STK4: variants seen among roughly 807,000 people sequenced by gnomAD.
The protein encoded by STK4 is serine/threonine kinase 4.
STK4 carries 30 observed loss-of-function variants against 64.9 expected under a neutral mutation model. That is an observed-to-expected ratio of 0.46 (90% CI 0.35 to 0.63). The LOEUF is 0.63. Ranked by LOEUF, STK4 falls within the 20% of genes least tolerant of loss-of-function variation. STK4 has a pLI of 0.01. For synonymous variants in STK4, 177 were observed against 199.0 expected (o/e 0.89, Z 0.93); for missense variants, 466 against 598.5 (o/e 0.78, Z 2.31).
intron 9 of STK4, chr20:45,004,401 C>G (rs1307279491): frequency 6.6e-6 from 1 of 151,926 alleles, no homozygotes; most frequent in African/African-American, 2.4e-5. Context: ...CCGGCCACAA[C>G]CAATTTTTTC....
chr20:45,067,967 C>T lies in STK4; in HGVS notation c.1306-7051C>T, dbSNP rs116516577. 8.4e-3 allele frequency among the ~76,000 whole-genome samples: 1,273 copies of T among 152,276 alleles called. 18 individuals carry two copies. Among genetic ancestry groups the T allele is most frequent in the African/African-American group, 0.029 (1,223 of 41,542 alleles). On this transcript the variant is annotated intron_variant, in intron 10 of 10. Coordinates refer to ENST00000372806, the MANE Select transcript of STK4 (RefSeq NM_006282.5). Reference sequence around the variant, plus strand: ...GTGTTGTGAGCTCATCTTAGAGCAACAGCAGCTATTATTTACATTACATAC... The same window carrying T: ...GTGTTGTGAGCTCATCTTAGAGCAATAGCAGCTATTATTTACATTACATAC...
intron 4 of STK4, among the ~76,000 whole-genome samples, chr20:44,985,934 A>G (rs1046773170): frequency 6.6e-6 from 1 of 152,198 alleles, no homozygotes; most frequent in Non-Finnish European, 1.5e-5. Flanking sequence ...AAGGGGAACT[A>G]TGTAACAGTT....
chr20:45,063,969 G>C (rs916485113), intron 10 of STK4, among the ~76,000 whole-genome samples: 1 of 152,024 alleles, frequency 6.6e-6, no homozygotes, highest in Non-Finnish European at 1.5e-5. Context: ...CACTATGCCC[G>C]GCTAATTTTT....
chr20:45,061,320 TGGC>T (rs1446899815), intron 10 of STK4, among the ~76,000 whole-genome samples: 1 of 152,218 alleles, frequency 6.6e-6, no homozygotes, highest in Admixed American at 6.5e-5. Context: ...TTGCTTTCCA[TGGC>T]TTCAGTTACC....
At chr20:45,072,368 C>T (rs956314956) in intron 10 of STK4, among the ~76,000 whole-genome samples, 13 of 152,208 alleles carry the variant, frequency 8.5e-5, no homozygotes, top group Admixed American at 3.3e-4. Context: ...ATTTATTCTT[C>T]ATCCTAGTGG....
chr20:45,055,643 G>T (rs947647877), intron 10 of STK4, among the ~76,000 whole-genome samples: 13 of 150,770 alleles, frequency 8.6e-5, no homozygotes, highest in African/African-American at 3.2e-4. Context: ...TGCTTTCTAT[G>T]GGTTTATTTC....
At chr20:45,056,496 T>G (rs961572854) in intron 10 of STK4, among the ~76,000 whole-genome samples, 1 of 152,262 alleles carries the variant, frequency 6.6e-6, no homozygotes, top group Non-Finnish European at 1.5e-5. Context: ...CACTACTACT[T>G]TATTTTCAGT....
At chr20:45,023,888 CTAACTTCTT>C (rs2068294027) in intron 9 of STK4, among the ~76,000 whole-genome samples, 1 of 146,628 alleles carries the variant, frequency 6.8e-6, no homozygotes, top group African/African-American at 2.5e-5. Flanking sequence ...CTGTTCAATA[CTAACTTCTT>C]TTTTTTTTTT....
chr20:45,070,530 A>G (rs1293532748), intron 10 of STK4, among the ~76,000 whole-genome samples: 2 of 152,120 alleles, frequency 1.3e-5, no homozygotes, highest in African/African-American at 4.8e-5. Flanking sequence ...ACTGGGGAGT[A>G]AGGAGACAAG....
At chr20:45,058,287 C>A (rs569739401) in intron 10 of STK4, among the ~76,000 whole-genome samples, 4 of 152,094 alleles carry the variant, frequency 2.6e-5, no homozygotes, top group Non-Finnish European at 4.4e-5. Context: ...GAATCTCACC[C>A]TTCATTACAT....
intron 10 of STK4, among the ~76,000 whole-genome samples, chr20:45,058,701 C>G (rs1978715044): frequency 2.0e-5 from 3 of 152,072 alleles, no homozygotes; most frequent in Admixed American, 2.0e-4. Flanking sequence ...CGCAGGGTTT[C>G]TTATGTGATT....
At chr20:45,007,732 G>A (rs1275568490) in intron 9 of STK4, 1 of 391,136 alleles carries the variant, frequency 2.6e-6, no homozygotes, top group Non-Finnish European at 5.0e-6. Flanking sequence ...GCTTTTGTTT[G>A]TTCGAAACAA....
chr20:45,058,989 C>T (rs1600554221), intron 10 of STK4, among the ~76,000 whole-genome samples: 1 of 152,222 alleles, frequency 6.6e-6, no homozygotes, highest in Middle Eastern at 3.4e-3. Flanking sequence ...GAAATTTATA[C>T]ACCAATTTAA....
chr20:45,023,650 T>A (rs2068288906), intron 9 of STK4, among the ~76,000 whole-genome samples: 1 of 152,160 alleles, frequency 6.6e-6, no homozygotes, highest in African/African-American at 2.4e-5. Flanking sequence ...CTAGTTTGAT[T>A]TTTAAATCAT....
chr20:45,012,023 C>T (rs995399681), intron 9 of STK4, among the ~76,000 whole-genome samples: 1 of 151,398 alleles, frequency 6.6e-6, no homozygotes, highest in African/African-American at 2.4e-5. Flanking sequence ...ATTTATATCA[C>T]TCTTCTCCGA....
chr20:45,053,284 C>A (rs1195817565), intron 10 of STK4: 10 of 938,558 alleles, frequency 1.1e-5, no homozygotes, highest in East Asian at 2.5e-5. Flanking sequence ...ATTGAAATGG[C>A]TTTGAGAGCA....
intron 10 of STK4, among the ~76,000 whole-genome samples, chr20:45,070,517 A>T (rs1005522740): frequency 1.3e-5 from 2 of 152,110 alleles, no homozygotes; most frequent in Non-Finnish European, 2.9e-5. Context: ...TGAGATGGGG[A>T]AGACTGGGGA....
At chr20:45,003,408 A>G (rs2067876137) in intron 9 of STK4, among the ~76,000 whole-genome samples, 2 of 152,204 alleles carry the variant, frequency 1.3e-5, no homozygotes, top group Admixed American at 1.3e-4. Flanking sequence ...TGCCCTAATC[A>G]GTAAAATTAA....
At chr20:45,042,191 AT>A (rs1166877451) in intron 10 of STK4, among the ~76,000 whole-genome samples, 1 of 150,704 alleles carries the variant, frequency 6.6e-6, no homozygotes, top group African/African-American at 2.4e-5. Flanking sequence ...TTATGATCTC[AT>A]TCACTTAGAC....
Sources: allele counts gnomAD v4.1 joint callset (sites outside exome capture counted in the v4.1 genomes callset), GRCh38; gene constraint gnomAD v4.1.1; transcripts MANE v1.5; gene names NCBI Gene and HGNC (gene_info 2026-07-23, HGNC 2026-07-21).